The following FLNB variants were observed in gnomAD, a reference collection of about 807,000 sequenced individuals.
FLNB encodes the protein filamin-B.
In FLNB, 111 loss-of-function variants were observed where a neutral mutation model predicts 250.6. The ratio of observed to expected loss-of-function variants is 0.44; its 90% CI spans 0.38 to 0.52. The LOEUF (loss-of-function observed/expected upper bound fraction) is 0.52, where lower values mean the gene tolerates loss of function less well. FLNB is among the 20% of genes least tolerant of loss of function. The probability of loss-of-function intolerance (pLI) is 0.00; values close to 1 mark genes in which losing one functional copy is unlikely to be tolerated. For missense variants in FLNB, 2,869 were observed against 3,447.8 expected, an observed-to-expected ratio of 0.83 and a Z score of 4.20; for synonymous variants, 1,302 against 1,372.1, an observed-to-expected ratio of 0.95 and a Z score of 1.13.
In FLNB at chr3:58,153,403, C is replaced by T. The variant is rs765461697; in HGVS notation, c.6396C>T (p.His2132=). ...PEINSSDMSA[H]VTSPSGRVTE... is the part of the protein sequence containing the mutation. ...TCAACAGCAGTGATATGTCGGCCCA[C>T]GTCACCAGCCCCTCTGGCCGTGTGA... is the stretch of plus-strand genomic sequence containing the variant. The change falls in exon 39 of 46, where the codon CAC becomes CAT. Residue 2132 remains histidine (H), a synonymous_variant. Coordinates refer to ENST00000295956, the MANE Select transcript of FLNB (RefSeq NM_001457.4). 7.4e-6 allele frequency: 12 copies of T among 1,614,130 alleles called. No individual in the cohort carries two copies. The highest frequency in any genetic ancestry group is 6.7e-5 in the African/African-American group (5 of 74,958).
chr3:58,086,176 A>G (rs1363210311), intron 4 of FLNB, among the ~76,000 whole-genome samples: 1 of 141,654 alleles, frequency 7.1e-6, no homozygotes, highest in African/African-American at 2.6e-5. Context: ...TTTTTTTAAT[A>G]TTTTAGTTTG....
intron 13 of FLNB, 73 bp from the exon 14 acceptor site, chr3:58,109,106 G>A (rs2097264336): frequency 1.3e-6 from 2 of 1,595,650 alleles, no homozygotes; most frequent in South Asian, 2.2e-5. Context: ...GCTGTCTTGG[G>A]AGGCCACAGT....
At chr3:58,089,107 C>CAA (rs534465702) in intron 4 of FLNB, among the ~76,000 whole-genome samples, 4 of 138,962 alleles carry the variant, frequency 2.9e-5, no homozygotes, top group Non-Finnish European at 4.7e-5. Context: ...TATCCAGTTT[C>CAA]AAAAAAAAAA....
At chr3:58,130,987 C>A in intron 25 of FLNB, 79 bp downstream of exon 25, 1 of 1,388,562 alleles carries the variant, frequency 7.2e-7, no homozygotes, top group Non-Finnish European at 9.9e-7. Context: ...AGATGCTTTG[C>A]TTTTGAGTTT....
intron 32 of FLNB, among the ~76,000 whole-genome samples, chr3:58,144,851 G>A (rs947170957): frequency 2.6e-5 from 4 of 152,186 alleles, no homozygotes; most frequent in Non-Finnish European, 5.9e-5. Flanking sequence ...TATTTCTCTT[G>A]TGAATGAGAC....
intron 30 of FLNB, 43 bp downstream of exon 30, chr3:58,141,972 C>T (rs371837292): frequency 2.6e-4 from 401 of 1,545,750 alleles, no homozygotes; most frequent in African/African-American, 5.2e-4. Flanking sequence ...TGTGTTTACT[C>T]AGCCTTCATT....
Position 58,126,740 on chromosome 3 carries a change from A to T in FLNB, c.4200A>T (p.Thr1400=), listed in dbSNP as rs370261728. ...CGGGGGATTACGATGTTAATATCAC[A>T]TATGGAGGAGCCCACATCCCCGGTG... ...FAPGDYDVNI[T]YGGAHIPGSP... Residue 1400 remains threonine (T), a synonymous_variant, in exon 24 of 46, where the codon ACA becomes ACT. Transcript: ENST00000295956. 3.1e-6 allele frequency: 5 copies of T among 1,613,796 alleles called. No homozygotes were observed. In the African/African-American group the frequency reaches 5.3e-5, roughly 17 times the overall value.
At position 58,108,498 on chromosome 3, in the gene FLNB, T is replaced by C. The variant is rs2097263375; in HGVS notation, c.1982T>C (p.Ile661Thr). ...CCAGGTTTGGAGAAATCTGGATGCA[T>C]TGTCAACAACCTGGCCGAGTTCACT... ...YGPGLEKSGCIVNNLAEFTVD... is the reference protein window; with the variant it reads ...YGPGLEKSGCTVNNLAEFTVD... The change falls in exon 13 of 46, where the codon ATT becomes ACT. Residue 661 changes from isoleucine to threonine, a missense_variant. Ile to Thr is a moderately conservative substitution (Grantham distance 89). Around this residue, in one of 5 missense-constraint regions of FLNB, gnomAD observed 1,348 missense variants for 1,466.7 expected, o/e 0.92. Transcript: ENST00000295956. 10 of 1,614,136 alleles carry C rather than the reference T, an allele frequency of 6.2e-6. No homozygotes were observed. In the East Asian group the frequency reaches 2.0e-4, roughly 32 times the overall value.
chr3:58,126,555 G>C (rs781288890), intron 23 of FLNB, 47 bp from the exon 24 acceptor site: 2 of 1,597,284 alleles, frequency 1.3e-6, no homozygotes, highest in African/African-American at 1.3e-5. Context: ...AAGCAGACCA[G>C]CATAAATAAA....
At chr3:58,027,037 A>G (rs2097124462) in intron 1 of FLNB, among the ~76,000 whole-genome samples, 1 of 152,300 alleles carries the variant, frequency 6.6e-6, no homozygotes, top group Non-Finnish European at 1.5e-5. Context: ...CAGTATGATC[A>G]GCTGATGTTA....
chr3:58,011,220 C>A (rs1212206956), intron 1 of FLNB, among the ~76,000 whole-genome samples: 1 of 152,042 alleles, frequency 6.6e-6, no homozygotes, highest in Admixed American at 6.6e-5. Context: ...CCCGGTCCTC[C>A]TTTTATTTTC....
Position 58,106,804 on chromosome 3 carries a change from C to A in FLNB, c.1872C>A (p.Asp624Glu), listed in dbSNP as rs768974308. The A allele has an allele frequency of 1.9e-6, 3 of 1,614,082 alleles. No homozygotes were observed. ...ATGCTGTTCACATCATGTGTGACGA[C>A]GAAGACATCAAGGACAGCCCGTACA... is the stretch of plus-strand genomic sequence containing the variant. ...GEYAVHIMCD[D>E]EDIKDSPYMA... Residue 624 changes from aspartate to glutamate, a missense_variant, in exon 12 of 46, where the codon GAC becomes GAA. Coordinates refer to ENST00000295956, the MANE Select transcript of FLNB (RefSeq NM_001457.4).
At chr3:58,131,570 G>A (rs2097307485) in intron 25 of FLNB, among the ~76,000 whole-genome samples, 1 of 152,260 alleles carries the variant, frequency 6.6e-6, no homozygotes, top group African/African-American at 2.4e-5. Context: ...ATAGAGGACA[G>A]TGTGCCTAAT....
intron 12 of FLNB, among the ~76,000 whole-genome samples, chr3:58,108,106 C>T (rs548043047): frequency 3.3e-5 from 5 of 151,466 alleles, no homozygotes; most frequent in Admixed American, 6.6e-5. Context: ...TAATGATAGC[C>T]GATGAACAAA....
In FLNB at chr3:58,135,927, T is replaced by A; in HGVS notation, c.4672-52T>A. ...AAAATATGTCAGGGTTTTCCATGAA[T>A]GTTTTCTACATCTTGACAACATCCT... On this transcript the variant is annotated intron_variant, in intron 27 of 45. Transcript: ENST00000295956. 3 of 1,580,714 alleles carry A rather than the reference T, an allele frequency of 1.9e-6. No homozygotes were observed. In the South Asian group the frequency reaches 3.4e-5, roughly 18 times the overall value.
In FLNB at chr3:58,118,992, A is replaced by G. The variant is rs2097283642; in HGVS notation, c.2863+3A>G. 7 of 1,602,988 alleles carry G rather than the reference A, an allele frequency of 4.4e-6. No individual in the cohort carries two copies. The highest frequency in any genetic ancestry group is 6.0e-6 in the Non-Finnish European group (7 of 1,169,862). Reference sequence around the variant, plus strand: ...AAAACTCAATGGGCTGGAAAACAGTAAGTGCCTGAATGGAGAGCAGATGGG... The same window carrying G: ...AAAACTCAATGGGCTGGAAAACAGTGAGTGCCTGAATGGAGAGCAGATGGG... On this transcript the variant is annotated splice_donor_region_variant and intron_variant, in intron 19 of 45. Transcript: ENST00000295956.
At chr3:58,166,344 C>CT (rs1282013990) in intron 43 of FLNB, among the ~76,000 whole-genome samples, 3 of 152,014 alleles carry the variant, frequency 2.0e-5, no homozygotes, top group Admixed American at 2.0e-4. Context: ...AATCAAAGCA[C>CT]TTTGGAAGGC....
At chr3:58,094,706 G>T in intron 4 of FLNB, 130 bp from the exon 5 acceptor site, 2 of 808,954 alleles carry the variant, frequency 2.5e-6, no homozygotes, top group Non-Finnish European at 2.2e-6. Context: ...AAGGCAGTTT[G>T]TCCCCATTTC....
chr3:58,058,670 A>G (rs1266913529), intron 1 of FLNB, among the ~76,000 whole-genome samples: 2 of 152,220 alleles, frequency 1.3e-5, no homozygotes. Context: ...AGCGTTTTGA[A>G]AACTGCTTTT....
Sources: allele counts gnomAD v4.1 joint callset (sites outside exome capture counted in the v4.1 genomes callset), GRCh38; gene constraint gnomAD v4.1.1; regional missense constraint gnomAD v4.1.1; transcripts MANE v1.5; gene names NCBI Gene and HGNC (gene_info 2026-07-23, HGNC 2026-07-21).